The following ABCA9 variants were observed in gnomAD, a reference collection of about 807,000 sequenced individuals.
ABCA9 encodes the protein ATP binding cassette subfamily A member 9.
ABCA9 carries 183 observed loss-of-function variants against 205.3 expected under a neutral mutation model. The ratio of observed to expected loss-of-function variants is 0.89; its 90% CI spans 0.79 to 1.01. The LOEUF is 1.01. Ranked by LOEUF, ABCA9 falls within the 50% of genes least tolerant of loss-of-function variation. The pLI is 0.00. For synonymous variants in ABCA9, 651 were observed against 683.3 expected (o/e 0.95, Z 0.74); for missense variants, 1,805 against 1,912.4 (o/e 0.94, Z 1.05).
At chr17:69,028,736 A>C in intron 11 of ABCA9, 91 bp from the exon 12 acceptor site, 1 of 629,258 alleles carries the variant, frequency 1.6e-6, no homozygotes, top group South Asian at 3.5e-5. Context: ...GCATGAATAG[A>C]TTGAGCTAGC....
chr17:69,012,273 G>A (rs558230245), intron 22 of ABCA9, 190 bp from the exon 23 acceptor site: 45 of 466,970 alleles, frequency 9.6e-5, no homozygotes, highest in South Asian at 8.0e-4. Flanking sequence ...TTCTGAACAC[G>A]TAGCCTGATT....
chr17:68,999,739 A>G (rs933489398), intron 25 of ABCA9, among the ~76,000 whole-genome samples: 8 of 152,172 alleles, frequency 5.3e-5, no homozygotes, highest in African/African-American at 1.9e-4. Context: ...TTATAGTCCC[A>G]CCAACAGTGT....
upstream of ABCA9, among the ~76,000 whole-genome samples, chr17:69,061,694 C>T (rs80291699): frequency 1.7e-4 from 26 of 152,328 alleles, no homozygotes; most frequent in East Asian, 4.2e-3. Context: ...GTATGTCCTG[C>T]TTTCCAGTAT....
upstream of ABCA9, among the ~76,000 whole-genome samples, chr17:69,063,287 A>C (rs1036741261): frequency 2.6e-5 from 4 of 152,158 alleles, no homozygotes; most frequent in African/African-American, 9.7e-5. Flanking sequence ...AAACCTTATA[A>C]ATTTCATGTG....
At chr17:69,001,923 C>T (rs1236782397) in intron 25 of ABCA9, among the ~76,000 whole-genome samples, 3 of 150,944 alleles carry the variant, frequency 2.0e-5, no homozygotes, top group Admixed American at 1.3e-4. Flanking sequence ...TTGTAGTATT[C>T]TCTGATGGTA....
intron 15 of ABCA9, 95 bp from the exon 16 acceptor site, chr17:69,026,562 T>A (rs2070994311): frequency 8.9e-7 from 1 of 1,129,682 alleles, no homozygotes; most frequent in Admixed American, 1.9e-5. Flanking sequence ...TGTAGCAGCA[T>A]GACACACTAA....
the ABCA9 span, among the ~76,000 whole-genome samples, chr17:69,072,744 A>G: frequency 4.6e-5 from 7 of 152,236 alleles, no homozygotes; most frequent in African/African-American, 1.7e-4. Context: ...ATTCACACAT[A>G]ACAATATTAA....
At chr17:69,028,761 A>G in intron 11 of ABCA9, 116 bp from the exon 12 acceptor site, 1 of 503,856 alleles carries the variant, frequency 2.0e-6, no homozygotes, top group Admixed American at 3.8e-5. Context: ...TTCAAAATAA[A>G]ATTCATCTTA....
intron 22 of ABCA9, among the ~76,000 whole-genome samples, chr17:69,015,110 G>A (rs2070537731): frequency 6.6e-6 from 1 of 152,088 alleles, no homozygotes; most frequent in South Asian, 2.1e-4. Context: ...CTCAGAAGGG[G>A]AGGGAAAGGG....
At chr17:69,056,911 T>G (rs2072086003) in intron 1 of ABCA9, among the ~76,000 whole-genome samples, 1 of 152,148 alleles carries the variant, frequency 6.6e-6, no homozygotes. Flanking sequence ...CTATGAAACA[T>G]CCCAAGAGGT....
intron 2 of ABCA9, among the ~76,000 whole-genome samples, chr17:69,049,816 GATAA>G (rs1167256134): frequency 2.6e-5 from 4 of 152,056 alleles, no homozygotes; most frequent in Non-Finnish European, 4.4e-5. Context: ...TAGTGACAGT[GATAA>G]ATAAATAGTA....
rs143624611 is a variant in ABCA9 at position 68,989,225 on chromosome 17, A to G, written c.3956-107T>C. On this transcript the variant is annotated intron_variant, in intron 30 of 38. Coordinates refer to ENST00000340001, the MANE Select transcript of ABCA9 (RefSeq NM_080283.4). ...AAGTGCTATGTGAAATGTGCTATAT[A>G]TATTATTTCCCTTATTCCTCTCTCT... 318 of 632,124 alleles carry G rather than the reference A, an allele frequency of 5.0e-4. 2 individuals are homozygous for G. In the East Asian group the frequency reaches 6.7e-3, roughly 13 times the overall value. The allele number at this position is 632,124 out of a possible 1,614,324, so 39.2% of individuals were successfully genotyped here.
In ABCA9 at chr17:68,983,720, A is replaced by G; in HGVS notation, c.4629T>C (p.Ala1543=). ...AEILRLFPQA[A]QQERFSSLMV... is the part of the protein sequence containing the mutation. ...ACACCTGTGTCTACCTTTCCTGCTG[A>G]GCAGCCTGGGGGAAAAGCCTCAGGA... The change falls in exon 36 of 39, where the codon GCT becomes GCC. Residue 1543 remains alanine, a synonymous_variant. Transcript: ENST00000340001. 6.2e-7 allele frequency: 1 copy of G among 1,614,190 alleles called. No homozygotes were observed. The highest frequency in any genetic ancestry group is 1.3e-5 in the African/African-American group (1 of 75,062).
At chr17:68,998,388 C>G (rs542389998) in intron 25 of ABCA9, among the ~76,000 whole-genome samples, 2 of 152,154 alleles carry the variant, frequency 1.3e-5, no homozygotes, top group African/African-American at 4.8e-5. Context: ...AATTCCATTT[C>G]CTTTCCCTCA....
chr17:68,991,089 C>G (rs564712127), intron 28 of ABCA9, 132 bp from the exon 29 acceptor site: 8 of 973,132 alleles, frequency 8.2e-6, no homozygotes, highest in Non-Finnish European at 1.2e-5. Context: ...TATTCTTCTA[C>G]TTGCACCATC....
At chr17:68,976,976 G>A (rs1410424539) in intron 37 of ABCA9, among the ~76,000 whole-genome samples, 1 of 152,198 alleles carries the variant, frequency 6.6e-6, no homozygotes, top group African/African-American at 2.4e-5. Flanking sequence ...GACTGCTGTG[G>A]CATTTTCTTT....
chr17:68,985,218 G>T, intron 32 of ABCA9, 90 bp from the exon 33 acceptor site: 1 of 1,570,284 alleles, frequency 6.4e-7, no homozygotes, highest in South Asian at 1.1e-5. Flanking sequence ...GACGGTGGGG[G>T]AGGTGTTTAT....
intron 10 of ABCA9, among the ~76,000 whole-genome samples, chr17:69,029,470 A>T (rs1345615137): frequency 1.3e-5 from 2 of 152,236 alleles, no homozygotes; most frequent in African/African-American, 4.8e-5. Flanking sequence ...TGGAGGGCAC[A>T]GCTTAGCACA....
At chr17:69,060,929 G>A, upstream of ABCA9, 1 of 985,396 alleles carries the variant, frequency 1.0e-6, no homozygotes, top group Non-Finnish European at 1.2e-6. Flanking sequence ...GCATGTTCTG[G>A]AGGAGAATTC....
Sources: allele counts gnomAD v4.1 joint callset (sites outside exome capture counted in the v4.1 genomes callset), GRCh38; gene constraint gnomAD v4.1.1; transcripts MANE v1.5; gene names NCBI Gene and HGNC (gene_info 2026-07-23, HGNC 2026-07-21).